The following BIVM variants were observed in gnomAD, a reference collection of about 807,000 sequenced individuals.
BIVM encodes basic, immunoglobulin-like variable motif containing.
Under a neutral mutation model 61.4 loss-of-function variants are expected in BIVM, and 31 were observed. That is an observed-to-expected ratio of 0.51 (90% CI 0.38 to 0.68). BIVM has a LOEUF of 0.68. Among genes scored for constraint, BIVM ranks in the 30% least tolerant of loss-of-function variants. The probability of loss-of-function intolerance (pLI) is 0.00; values close to 1 mark genes in which losing one functional copy is unlikely to be tolerated. For missense variants in BIVM, 526 were observed against 596.0 expected (o/e 0.88, Z 1.22); for synonymous variants, 189 against 210.7 (o/e 0.90, Z 0.89).
Position 102,807,833 on chromosome 13 carries a change from C to T in BIVM, c.478+88C>T. 1 of 1,355,668 alleles carries T rather than the reference C, an allele frequency of 7.4e-7. No homozygotes were observed. The highest frequency in any genetic ancestry group is 9.9e-7 in the Non-Finnish European group (1 of 1,005,028). 84.0% of individuals were successfully genotyped at this position (1,355,668 alleles called of 1,614,324 possible). On this transcript the variant is annotated intron_variant, in intron 3 of 10. Transcript: ENST00000257336. The surrounding 1 kb of genome is among the most constrained non-coding windows in gnomAD (Gnocchi z 4.0). ...TTAATCTTGCCATTACACATAGTTT[C>T]CTTGTATAATACTAGATAAGGAACA... is the stretch of plus-strand genomic sequence containing the variant.
chr13:102,827,193 A>T (rs1421066118), intron 7 of BIVM, among the ~76,000 whole-genome samples: 1 of 150,744 alleles, frequency 6.6e-6, no homozygotes, highest in African/African-American at 2.4e-5. Context: ...GTTCTTTGTG[A>T]CTTATTTAAA....
intron 9 of BIVM, among the ~76,000 whole-genome samples, chr13:102,836,245 A>G (rs1413209416): frequency 6.6e-6 from 1 of 152,056 alleles, no homozygotes; most frequent in Non-Finnish European, 1.5e-5. Context: ...TGCCTACCCC[A>G]CGACCTCAAA....
chr13:102,816,333 G>T, intron 3 of BIVM, 95 bp from the exon 4 acceptor site: 3 of 1,190,132 alleles, frequency 2.5e-6, no homozygotes, highest in Non-Finnish European at 2.3e-6. Context: ...AATTATTAAG[G>T]CAGTTACTTC....
chr13:102,835,280 G>C (rs1008239819), intron 9 of BIVM, among the ~76,000 whole-genome samples: 1 of 152,054 alleles, frequency 6.6e-6, no homozygotes, highest in East Asian at 1.9e-4. Flanking sequence ...GTAATAAGCT[G>C]TGATCGTATC....
chr13:102,838,173 A>C (rs947906713), intron 9 of BIVM, among the ~76,000 whole-genome samples: 1 of 152,258 alleles, frequency 6.6e-6, no homozygotes, highest in African/African-American at 2.4e-5. Flanking sequence ...GAATACAAAA[A>C]TACAATTGAT....
intron 10 of BIVM, among the ~76,000 whole-genome samples, chr13:102,839,201 A>G (rs1241614532): frequency 1.3e-5 from 2 of 152,166 alleles, no homozygotes; most frequent in African/African-American, 4.8e-5. Flanking sequence ...GCTTTGGGAG[A>G]GGCTCTCAGG....
chr13:102,831,803 G>A (rs1266404864), intron 8 of BIVM, 106 bp downstream of exon 8: 3 of 1,300,856 alleles, frequency 2.3e-6, no homozygotes, highest in South Asian at 2.9e-5. Flanking sequence ...GCCGAGGTGG[G>A]CGGATCACGA....
At chr13:102,834,108 G>C (rs569031189) in intron 8 of BIVM, among the ~76,000 whole-genome samples, 1 of 152,250 alleles carries the variant, frequency 6.6e-6, no homozygotes, top group Non-Finnish European at 1.5e-5. Context: ...ATTGCTTTAG[G>C]GTTTCATTTT....
chr13:102,833,185 G>C lies in BIVM; in HGVS notation c.1035-1281G>C, dbSNP rs528443448. On this transcript the variant is annotated intron_variant, in intron 8 of 10. Transcript: ENST00000257336. ...GAGACGGGAGGATCGCCTGAGCTGA[G>C]AACATGCCACTGCACTCCAGCCTGG... Among the ~76,000 whole-genome samples, 8 of 151,860 alleles carry C rather than the reference G, an allele frequency of 5.3e-5. No homozygotes were observed. In the East Asian group the frequency reaches 1.2e-3, roughly 22 times the overall value.
chr13:102,833,327 G>GTTTTTTTTTTTTTTTTT lies in BIVM; in HGVS notation c.1035-1137_1035-1121dup, dbSNP rs532303115. ...TGGCTTGGTCATGGGGATAGGATGG[G>GTTTTTTTTTTTTTTTTT]TTTTTTTTTTTTTTTTTTGAGACAA... On this transcript the variant is annotated intron_variant, in intron 8 of 10. Coordinates refer to ENST00000257336, the MANE Select transcript of BIVM (RefSeq NM_017693.4). Among the ~76,000 whole-genome samples the GTTTTTTTTTTTTTTTTT allele has an allele frequency of 7.7e-3, 611 of 79,544 alleles. 119 individuals are homozygous for GTTTTTTTTTTTTTTTTT. The highest frequency in any genetic ancestry group is 0.03 in the East Asian group (86 of 2,858). 52.2% of individuals were successfully genotyped at this position (79,544 alleles called of 152,430 possible).
At chr13:102,811,135 C>T (rs1417239123) in intron 3 of BIVM, among the ~76,000 whole-genome samples, 2 of 152,170 alleles carry the variant, frequency 1.3e-5, no homozygotes, top group Non-Finnish European at 2.9e-5. Context: ...ATAACACTGG[C>T]TTTTATAATT....
At position 102,799,471 on chromosome 13, in the gene BIVM, G is replaced by A. The variant is rs1878591857; in HGVS notation, c.-257G>A. On this transcript the variant is annotated 5_prime_UTR_variant, in exon 1 of 11. Coordinates refer to ENST00000257336, the MANE Select transcript of BIVM (RefSeq NM_017693.4). ...CTGGATGCTGTGATCCAGGTCCGGA[G>A]CCGGGTTCCGCCGCGGCCGCAGCGA... 6.6e-6 allele frequency: 1 copy of A among 152,266 alleles called. No homozygotes were observed. The highest frequency in any genetic ancestry group is 6.5e-5 in the Admixed American group (1 of 15,288). The allele number at this position is 152,266 out of a possible 1,614,324, so 9.4% of individuals were successfully genotyped here. A position where few individuals can be genotyped will look rare whatever the true frequency, so the allele number is the denominator to read the frequency against.
chr13:102,813,901 C>T (rs1157630749), intron 3 of BIVM, among the ~76,000 whole-genome samples: 2 of 152,202 alleles, frequency 1.3e-5, no homozygotes, highest in African/African-American at 4.8e-5. Context: ...GCCCCCTCTT[C>T]TCTGTGGCTC....
Position 102,821,779 on chromosome 13 carries a change from T to G in BIVM, c.738T>G (p.Ile246Met). Residue 246 changes from isoleucine (I) to methionine (M), a missense_variant, in exon 6 of 11, where the codon ATT (isoleucine) becomes ATG (methionine). Ile to Met is a conservative substitution (Grantham distance 10, BLOSUM62 1). This residue lies in a region of BIVM where 312 missense variants were observed against 343.8 expected (regional missense o/e 0.91). Coordinates refer to ENST00000257336, the MANE Select transcript of BIVM (RefSeq NM_017693.4). ...PPITQEEALH[I>M]LGFQPPFEDI... ...TTACCCAAGAAGAAGCTTTACATATTCTGGGCTTTCAACCTCCATTTGAAG... is the reference window on the plus strand; with the variant it reads ...TTACCCAAGAAGAAGCTTTACATATGCTGGGCTTTCAACCTCCATTTGAAG... The G allele has an allele frequency of 6.2e-7, 1 of 1,614,082 alleles. No homozygotes were observed. The highest frequency in any genetic ancestry group is 8.5e-7 in the Non-Finnish European group (1 of 1,179,984).
In BIVM at chr13:102,806,322, T is replaced by C. The variant is rs537814549; in HGVS notation, c.-122-824T>C. On this transcript the variant is annotated intron_variant, in intron 2 of 10. Transcript: ENST00000257336. The stretch of plus-strand genomic sequence containing the variant: ...TAGAGTGTAGTGGCGCGATCTCGGC[T>C]CACTGCAACCTCTACCTCCCAGGTT... 2.0e-5 allele frequency among the ~76,000 whole-genome samples: 3 copies of C among 152,316 alleles called. No homozygotes were observed. In the East Asian group the frequency reaches 5.8e-4, roughly 29 times the overall value.
chr13:102,834,858 A>G (rs1469838234), intron 9 of BIVM, among the ~76,000 whole-genome samples: 1 of 152,186 alleles, frequency 6.6e-6, no homozygotes, highest in Non-Finnish European at 1.5e-5. Flanking sequence ...CATTTTTGAG[A>G]TTCCTCCATT....
At chr13:102,806,501 T>G (rs1434571818) in intron 2 of BIVM, among the ~76,000 whole-genome samples, 1 of 152,176 alleles carries the variant, frequency 6.6e-6, no homozygotes, top group Non-Finnish European at 1.5e-5. Flanking sequence ...CCACCTGCCT[T>G]GGCCTCCCAA....
At chr13:102,802,077 T>C (rs1238352969) in intron 1 of BIVM, among the ~76,000 whole-genome samples, 1 of 152,214 alleles carries the variant, frequency 6.6e-6, no homozygotes, top group Non-Finnish European at 1.5e-5. Context: ...TCTGTGATCA[T>C]ATATATGTAG....
At chr13:102,820,348 TC>T (rs1431137105) in intron 4 of BIVM, 9 of 102,550 alleles carry the variant, frequency 8.8e-5, no homozygotes, top group Non-Finnish European at 1.4e-4. Context: ...TGAGACTCTG[TC>T]TCAAAAAAAA....
Sources: gnomAD v4.1 joint callset for allele counts (sites outside exome capture counted in the v4.1 genomes callset) on GRCh38, gnomAD v4.1.1 for gene constraint, gnomAD v4.1.1 regional missense constraint, Gnocchi (gnomAD v3.1) non-coding constraint, MANE v1.5 for transcripts, NCBI Gene and HGNC (gene_info 2026-07-23, HGNC 2026-07-21) for gene names.